ARHGAP22: variants seen among roughly 807,000 people sequenced by gnomAD.
ARHGAP22 encodes the protein rho GTPase-activating protein 22.
A neutral mutation model predicts 59.1 loss-of-function variants in ARHGAP22; 48 were observed. The observed-to-expected ratio is 0.81, with a 90% CI of 0.64 to 1.03. The LOEUF is 1.03. Ranked by LOEUF, ARHGAP22 falls within the 50% of genes least tolerant of loss-of-function variation. ARHGAP22 has a pLI of 0.00. For missense variants in ARHGAP22, 1,015 were observed against 958.7 expected (o/e 1.06, Z -0.78); for synonymous variants, 445 against 416.4 (o/e 1.07, Z -0.84).
chr10:48,531,847 G>T (rs2054883244), intron 3 of ARHGAP22, among the ~76,000 whole-genome samples: 1 of 152,184 alleles, frequency 6.6e-6, no homozygotes, highest in African/African-American at 2.4e-5. Context: ...TGAATAAGAT[G>T]GCCTGTGGGA....
At chr10:48,558,922 T>C (rs1345988553) in intron 2 of ARHGAP22, among the ~76,000 whole-genome samples, 1 of 152,214 alleles carries the variant, frequency 6.6e-6, no homozygotes, top group Non-Finnish European at 1.5e-5. Flanking sequence ...AGGACAATAA[T>C]AGTATCTGCT....
At position 48,499,930 on chromosome 10, in the gene ARHGAP22, T is replaced by C. The variant is rs113872459; in HGVS notation, c.323-20166A>G. 2.3e-3 allele frequency among the ~76,000 whole-genome samples: 354 copies of C among 152,352 alleles called. 1 individual carries two copies. Among genetic ancestry groups the C allele is most frequent in the African/African-American group, 8.0e-3 (333 of 41,588 alleles). On this transcript the variant is annotated intron_variant, in intron 3 of 9. Transcript: ENST00000249601. ...GTCTATTAATTTAACACAATATGAA[T>C]AGCATTTCTTTTTAAACCAGATAAG...
At chr10:48,449,228 T>C (rs1175682451) in intron 9 of ARHGAP22, among the ~76,000 whole-genome samples, 2 of 152,358 alleles carry the variant, frequency 1.3e-5, no homozygotes, top group East Asian at 3.9e-4. Flanking sequence ...CCTTGGGTTC[T>C]ACTGATGCTA....
chr10:48,515,704 AC>A (rs1445711178), intron 3 of ARHGAP22, among the ~76,000 whole-genome samples: 1 of 152,246 alleles, frequency 6.6e-6, no homozygotes, highest in Non-Finnish European at 1.5e-5. Context: ...TAAAGGATTA[AC>A]CAAAACAAAG....
intron 3 of ARHGAP22, among the ~76,000 whole-genome samples, chr10:48,527,363 G>A (rs2054419290): frequency 6.6e-6 from 1 of 152,030 alleles, no homozygotes; most frequent in African/African-American, 2.4e-5. Flanking sequence ...ATACATGAAT[G>A]GATGGGTGGA....
At chr10:48,583,731 A>G (rs942290890) in intron 1 of ARHGAP22, among the ~76,000 whole-genome samples, 25 of 151,436 alleles carry the variant, frequency 1.7e-4, no homozygotes, top group African/African-American at 5.8e-4. Context: ...TAGCCCCTCT[A>G]CTCTGGAGGC....
At chr10:48,553,961 C>T (rs926753449) in intron 3 of ARHGAP22, among the ~76,000 whole-genome samples, 35 of 152,328 alleles carry the variant, frequency 2.3e-4, no homozygotes, top group African/African-American at 8.2e-4. Context: ...TGGCAGGGCC[C>T]TGCCTACGTC....
chr10:48,606,309 A>C (rs1271538006), upstream of ARHGAP22, among the ~76,000 whole-genome samples: 1 of 152,120 alleles, frequency 6.6e-6, no homozygotes, highest in Admixed American at 6.5e-5. Context: ...CCTAGGGAAC[A>C]GTGTGCCCTA....
intron 4 of ARHGAP22, among the ~76,000 whole-genome samples, chr10:48,474,111 C>A (rs1431766472): frequency 6.6e-6 from 1 of 152,132 alleles, no homozygotes; most frequent in Non-Finnish European, 1.5e-5. Context: ...TTATTTAGAT[C>A]TTTTTCAATT....
intron 1 of ARHGAP22, among the ~76,000 whole-genome samples, chr10:48,622,794 C>T (rs561893118): frequency 7.9e-5 from 12 of 152,294 alleles, no homozygotes; most frequent in Middle Eastern, 3.4e-3. Flanking sequence ...ATACTTGTTA[C>T]CCATTTGGCC....
chr10:48,432,363 GTTATA>G, the ARHGAP22 span, among the ~76,000 whole-genome samples: 1 of 152,004 alleles, frequency 6.6e-6, no homozygotes, highest in Admixed American at 6.5e-5. Flanking sequence ...GACATTTTTG[GTTATA>G]TATTTTAGAG....
At position 48,534,489 on chromosome 10, in the gene ARHGAP22, C is replaced by T. The variant is rs528030456; in HGVS notation, c.322+20974G>A. Among the ~76,000 whole-genome samples the T allele has an allele frequency of 2.9e-4, 44 of 152,314 alleles. 1 individual carries two copies. In the East Asian group the frequency reaches 8.5e-3, roughly 29 times the overall value. ...CATATGGACAAACACAGCAGAAGCT[C>T]CCAAAGGGGACAGGTACTTCCCAGC... On this transcript the variant is annotated intron_variant, in intron 3 of 9. Coordinates refer to ENST00000249601, the MANE Select transcript of ARHGAP22 (RefSeq NM_021226.4).
chr10:48,506,727 A>G (rs568696537), intron 3 of ARHGAP22, among the ~76,000 whole-genome samples: 11 of 152,242 alleles, frequency 7.2e-5, no homozygotes, highest in Admixed American at 1.3e-4. Flanking sequence ...AGTCTAAATC[A>G]ATGGTGCCCT....
rs186019715 is a variant in ARHGAP22, at chr10:48,451,720, C to T, written c.989-580G>A. ...CCCCATCCACCCCCAAAGTCCCACA[C>T]ACACACACAACTGGACAATGCACCC... On this transcript the variant is annotated intron_variant, in intron 8 of 9. Transcript: ENST00000249601. The T allele has an allele frequency of 2.7e-3, 1,641 of 615,694 alleles. 20 individuals carry two copies. In the African/African-American group the frequency reaches 0.028, roughly 11 times the overall value. 38.1% of individuals were successfully genotyped at this position (615,694 alleles called of 1,614,324 possible).
intron 3 of ARHGAP22, among the ~76,000 whole-genome samples, chr10:48,481,225 G>A (rs1046579733): frequency 3.9e-5 from 6 of 152,228 alleles, no homozygotes; most frequent in Non-Finnish European, 5.9e-5. Context: ...CAGGACTGTG[G>A]GCATTGCCAC....
At chr10:48,619,921 G>A (rs2061225240) in intron 1 of ARHGAP22, among the ~76,000 whole-genome samples, 2 of 152,148 alleles carry the variant, frequency 1.3e-5, no homozygotes, top group African/African-American at 4.8e-5. Flanking sequence ...AAGCTGCAGA[G>A]TGGAAAAAAT....
chr10:48,461,942 G>A (rs1006190694), intron 4 of ARHGAP22, among the ~76,000 whole-genome samples: 1 of 152,096 alleles, frequency 6.6e-6, no homozygotes, highest in African/African-American at 2.4e-5. Flanking sequence ...AAGATACATC[G>A]GTCCCTGATA....
intron 8 of ARHGAP22, among the ~76,000 whole-genome samples, chr10:48,452,828 G>T (rs2046113229): frequency 6.6e-6 from 1 of 152,168 alleles, no homozygotes. Context: ...CAAAGCACTT[G>T]GTAGAAGCTT....
chr10:48,529,802 T>A (rs1339233078), intron 3 of ARHGAP22, among the ~76,000 whole-genome samples: 1 of 152,152 alleles, frequency 6.6e-6, no homozygotes, highest in African/African-American at 2.4e-5. Context: ...TAAAGCCAAA[T>A]ACTTACAGTC....
Sources: allele counts gnomAD v4.1 joint callset (sites outside exome capture counted in the v4.1 genomes callset), GRCh38; gene constraint gnomAD v4.1.1; transcripts MANE v1.5; gene names NCBI Gene and HGNC (gene_info 2026-07-23, HGNC 2026-07-21).